PKNOX2: variants seen among roughly 807,000 people sequenced by gnomAD.
PKNOX2 encodes homeobox protein PKNOX2.
PKNOX2 carries 14 observed loss-of-function variants against 53.1 expected under a neutral mutation model. The ratio of observed to expected loss-of-function variants is 0.26; its 90% CI spans 0.17 to 0.41. PKNOX2 has a LOEUF of 0.41. Among genes scored for constraint, PKNOX2 ranks in the 10% least tolerant of loss-of-function variants. The pLI is 1.00. For missense variants in PKNOX2, 496 were observed against 602.8 expected (o/e 0.82, Z 1.85); for synonymous variants, 257 against 242.8 (o/e 1.06, Z -0.54).
chr11:125,388,914 GC>G (rs972311681), intron 6 of PKNOX2, among the ~76,000 whole-genome samples: 1 of 152,158 alleles, frequency 6.6e-6, no homozygotes, highest in Non-Finnish European at 1.5e-5. Flanking sequence ...CCTAGGGAGG[GC>G]CGGGAACCGT....
intron 2 of PKNOX2, among the ~76,000 whole-genome samples, chr11:125,308,696 T>C (rs1228086459): frequency 6.6e-6 from 1 of 152,174 alleles, no homozygotes; most frequent in African/African-American, 2.4e-5. Context: ...ACTGCCGTGC[T>C]GTGATGGCAT....
At chr11:125,391,846 G>T (rs1205719324) in intron 6 of PKNOX2, among the ~76,000 whole-genome samples, 11 of 152,196 alleles carry the variant, frequency 7.2e-5, no homozygotes. Context: ...AATTAAGGAT[G>T]CATTCACCAC....
At position 125,431,568 on chromosome 11, in the gene PKNOX2, A is replaced by T. The variant is rs1956705952; in HGVS notation, c.*176A>T. 6.9e-6 allele frequency: 5 copies of T among 722,258 alleles called. No homozygotes were observed. Among genetic ancestry groups the T allele is most frequent in the Non-Finnish European group, 2.2e-6 (1 of 451,414 alleles). The allele number at this position is 722,258 out of a possible 1,614,324, so 44.7% of individuals were successfully genotyped here. ...GACACCTGTTCCTTCCCAACCACCG[A>T]GCTTCAATGAGGACCCCAGCCCCAC... is the stretch of plus-strand genomic sequence containing the variant. On this transcript the variant is annotated 3_prime_UTR_variant, in exon 13 of 13. Transcript: ENST00000298282.
intron 5 of PKNOX2, among the ~76,000 whole-genome samples, chr11:125,371,355 C>A (rs1364581511): frequency 6.6e-6 from 1 of 152,146 alleles, no homozygotes; most frequent in Admixed American, 6.5e-5. Context: ...TCTCCTCCCC[C>A]AGCCCCCACC....
rs191568481 is a variant in PKNOX2, at chr11:125,277,793, A to G, written c.-130+42678A>G. ...AATTATAGCGTTCCCAACAGAAAGG[A>G]AAGATAAATGTTTGAGGTGATGGAT... On this transcript the variant is annotated intron_variant, in intron 2 of 12. Transcript: ENST00000298282. The G allele has an allele frequency of 1.1e-4, 16 of 152,324 alleles. No homozygotes were observed. The East Asian group carries it at 2.1e-3, about 20-fold the overall frequency. 9.4% of individuals were successfully genotyped at this position (152,324 alleles called of 1,614,324 possible).
At chr11:125,342,947 AC>A (rs1950776436) in intron 3 of PKNOX2, among the ~76,000 whole-genome samples, 1 of 151,810 alleles carries the variant, frequency 6.6e-6, no homozygotes, top group African/African-American at 2.4e-5. Flanking sequence ...GGGCCTCCCC[AC>A]CTCTCCCACT....
intron 4 of PKNOX2, among the ~76,000 whole-genome samples, chr11:125,358,019 T>C (rs946902834): frequency 1.3e-5 from 2 of 152,092 alleles, no homozygotes; most frequent in Non-Finnish European, 2.9e-5. Flanking sequence ...AGTTTCTGCA[T>C]TCATAAAATG....
chr11:125,266,760 A>C (rs1022366490), intron 2 of PKNOX2: 1 of 152,154 alleles, frequency 6.6e-6, no homozygotes, highest in Non-Finnish European at 1.5e-5. Context: ...CAGCAGCAAA[A>C]CCAATCCACA....
chr11:125,198,440 G>A (rs1007852839), intron 1 of PKNOX2, among the ~76,000 whole-genome samples: 4 of 152,204 alleles, frequency 2.6e-5, no homozygotes, highest in Admixed American at 2.0e-4. Flanking sequence ...GGTGCATGGG[G>A]ACAATTTCTC....
intron 3 of PKNOX2, among the ~76,000 whole-genome samples, chr11:125,332,287 G>T (rs111274885): frequency 6.6e-6 from 1 of 152,060 alleles, no homozygotes; most frequent in Non-Finnish European, 1.5e-5. Flanking sequence ...TGGTGGTGGC[G>T]GGGTGGGGTG....
At chr11:125,405,998 G>A (rs540202170) in intron 7 of PKNOX2, among the ~76,000 whole-genome samples, 35 of 152,124 alleles carry the variant, frequency 2.3e-4, no homozygotes, top group Non-Finnish European at 4.7e-4. Flanking sequence ...GAGGCTCTGG[G>A]TGCTGAAAAA....
chr11:125,398,050 C>A lies in PKNOX2; in HGVS notation c.576C>A (p.Asn192Lys), dbSNP rs748576309. Residue 192 changes from asparagine (N) to lysine (K), a missense_variant, in exon 7 of 13, where the codon AAC becomes AAA. Transcript: ENST00000298282. ...ACTCCCCCAACCAGCCCTCCATCAA[C>A]CTTCACTCACAGGTAACACCCAGAG... ...GPYSPNQPSI[N>K]LHSQDLLQNS... is the part of the protein sequence containing the mutation. 1 of 1,611,324 alleles carries A rather than the reference C, an allele frequency of 6.2e-7. No individual in the cohort carries two copies.
At chr11:125,245,481 T>C (rs1424044486) in intron 2 of PKNOX2, among the ~76,000 whole-genome samples, 6 of 152,258 alleles carry the variant, frequency 3.9e-5, no homozygotes, top group Non-Finnish European at 7.3e-5. Context: ...TGCTTTCCAC[T>C]GCACTTGGAG....
At chr11:125,332,864 T>C (rs945573312) in intron 3 of PKNOX2, among the ~76,000 whole-genome samples, 10 of 152,124 alleles carry the variant, frequency 6.6e-5, no homozygotes, top group Non-Finnish European at 8.8e-5. Context: ...AGCAGCTAGT[T>C]AGTCTATTTA....
At chr11:125,323,436 CA>C (rs1412441453) in intron 2 of PKNOX2, among the ~76,000 whole-genome samples, 1 of 152,150 alleles carries the variant, frequency 6.6e-6, no homozygotes, top group Non-Finnish European at 1.5e-5. Flanking sequence ...TGCTGTCCTC[CA>C]GGAGCTGGTT....
At chr11:125,193,181 C>T (rs574040812) in intron 1 of PKNOX2, among the ~76,000 whole-genome samples, 3 of 152,332 alleles carry the variant, frequency 2.0e-5, no homozygotes, top group East Asian at 1.9e-4. Flanking sequence ...TTTCTCCAAG[C>T]TTACAAGACC....
chr11:125,178,597 G>GAAAGAAAGAAA, intron 1 of PKNOX2, among the ~76,000 whole-genome samples: 1 of 29,160 alleles, frequency 3.4e-5, no homozygotes, highest in African/African-American at 1.5e-4. Context: ...AAGGAAGGAA[G>GAAAGAAAGAAA]GAAGGAAGGA....
intron 2 of PKNOX2, among the ~76,000 whole-genome samples, chr11:125,288,822 C>G (rs55678974): frequency 6.6e-6 from 1 of 152,310 alleles, no homozygotes; most frequent in East Asian, 1.9e-4. Context: ...ACCCAGACCC[C>G]CTGAATCTGA....
intron 1 of PKNOX2, among the ~76,000 whole-genome samples, chr11:125,220,127 G>GA (rs35239855): frequency 0.27 from 41,440 of 151,674 alleles, 6,793 homozygotes; most frequent in African/African-American, 0.45. Context: ...GTGTAAAAAG[G>GA]AAAAAAATAA....
Sources: gnomAD v4.1 joint callset for allele counts (sites outside exome capture counted in the v4.1 genomes callset) on GRCh38, gnomAD v4.1.1 for gene constraint, MANE v1.5 for transcripts, NCBI Gene and HGNC (gene_info 2026-07-23, HGNC 2026-07-21) for gene names.